The following HMGCLL1 variants were observed in gnomAD, a reference collection of about 807,000 sequenced individuals.
HMGCLL1 encodes 3-hydroxy-3-methylglutaryl-CoA lyase like 1.
In HMGCLL1, 36 loss-of-function variants were observed where a neutral mutation model predicts 39.1. That is an observed-to-expected ratio of 0.92 (90% CI 0.71 to 1.22). The LOEUF is 1.22. Among genes scored for constraint, HMGCLL1 ranks in the 50% most tolerant of loss-of-function variants. The pLI, the probability that HMGCLL1 is intolerant of heterozygous loss-of-function variation, is 0.00. For missense variants in HMGCLL1, 451 were observed against 416.5 expected (o/e 1.08, Z -0.72); for synonymous variants, 149 against 144.0 (o/e 1.03, Z -0.25).
intron 4 of HMGCLL1, among the ~76,000 whole-genome samples, chr6:55,515,194 A>C (rs1353371081): frequency 6.6e-6 from 1 of 151,680 alleles, no homozygotes; most frequent in Non-Finnish European, 1.5e-5. Flanking sequence ...CGGAGGTTGC[A>C]GTGAATCAAG....
chr6:55,635,689 G>A, the HMGCLL1 span, among the ~76,000 whole-genome samples: 1 of 152,242 alleles, frequency 6.6e-6, no homozygotes, highest in East Asian at 1.9e-4. Context: ...CCTTCAGCAG[G>A]ATTTCTCCTT....
rs545461091 is a variant in HMGCLL1 at position 55,480,602 on chromosome 6, G to A, written c.795+14817C>T. On this transcript the variant is annotated intron_variant, in intron 7 of 8. Transcript: ENST00000274901. ...GAGGTACCGTATCTATTTAGGTACC[G>A]TACACATAGAGTAGCAATCCCACTG... is the stretch of plus-strand genomic sequence containing the variant. 4.0e-5 allele frequency among the ~76,000 whole-genome samples: 6 copies of A among 151,704 alleles called. No homozygotes were observed. The South Asian group carries it at 8.3e-4, about 21-fold the overall frequency.
intron 1 of HMGCLL1, among the ~76,000 whole-genome samples, chr6:55,549,302 C>T (rs1770178201): frequency 6.6e-6 from 1 of 151,466 alleles, no homozygotes; most frequent in Admixed American, 6.6e-5. Flanking sequence ...TCACACTCTC[C>T]CACCTTGCTG....
the HMGCLL1 span, among the ~76,000 whole-genome samples, chr6:55,651,871 G>A: frequency 6.6e-6 from 1 of 152,168 alleles, no homozygotes; most frequent in African/African-American, 2.4e-5. Flanking sequence ...TTGTGAGAGA[G>A]CAGCACTGAA....
chr6:55,458,523 G>A (rs757869107), intron 7 of HMGCLL1, among the ~76,000 whole-genome samples: 7 of 152,186 alleles, frequency 4.6e-5, no homozygotes, highest in Non-Finnish European at 1.0e-4. Context: ...AAATAATAGT[G>A]TGTTAGGCAA....
At chr6:55,608,173 A>G in the HMGCLL1 span, among the ~76,000 whole-genome samples, 1 of 152,186 alleles carries the variant, frequency 6.6e-6, no homozygotes, top group Non-Finnish European at 1.5e-5. Context: ...TTAGCCAACT[A>G]GAACCTACTG....
the HMGCLL1 span, among the ~76,000 whole-genome samples, chr6:55,661,024 G>C: frequency 6.6e-6 from 1 of 151,840 alleles, no homozygotes; most frequent in African/African-American, 2.4e-5. Context: ...CTTTTGAAAA[G>C]GGTCTGTTTA....
At chr6:55,658,006 A>G in the HMGCLL1 span, among the ~76,000 whole-genome samples, 1 of 151,850 alleles carries the variant, frequency 6.6e-6, no homozygotes, top group East Asian at 1.9e-4. Flanking sequence ...ACAAACCCCC[A>G]TGACACAAGT....
the HMGCLL1 span, among the ~76,000 whole-genome samples, chr6:55,609,498 G>A: frequency 4.6e-5 from 7 of 152,042 alleles, no homozygotes; most frequent in East Asian, 3.9e-4. Context: ...CAACTCCAGC[G>A]AAGGGCTCAG....
chr6:55,613,994 A>C, the HMGCLL1 span, among the ~76,000 whole-genome samples: 2 of 152,168 alleles, frequency 1.3e-5, no homozygotes, highest in African/African-American at 2.4e-5. Flanking sequence ...TAAAACTAAT[A>C]TTATATTCTG....
At chr6:55,485,306 G>A (rs890860504) in intron 7 of HMGCLL1, among the ~76,000 whole-genome samples, 11 of 150,844 alleles carry the variant, frequency 7.3e-5, no homozygotes, top group South Asian at 2.1e-4. Flanking sequence ...TATATTAGGC[G>A]TGTGTGTGTG....
intron 1 of HMGCLL1, among the ~76,000 whole-genome samples, chr6:55,578,611 C>A (rs537055267): frequency 6.6e-6 from 1 of 152,294 alleles, no homozygotes; most frequent in South Asian, 2.1e-4. Flanking sequence ...AGGGCGGTAT[C>A]CTTGAAGGAA....
chr6:55,457,290 C>T (rs1050504248), intron 7 of HMGCLL1, among the ~76,000 whole-genome samples: 1 of 152,136 alleles, frequency 6.6e-6, no homozygotes, highest in African/African-American at 2.4e-5. Context: ...CCAATTTCAC[C>T]AGAAAGTTCT....
At chr6:55,458,667 G>A (rs1040657483) in intron 7 of HMGCLL1, among the ~76,000 whole-genome samples, 1 of 152,170 alleles carries the variant, frequency 6.6e-6, no homozygotes. Context: ...CAGACATGTA[G>A]CAGGGCCGTG....
chr6:55,633,020 T>A, the HMGCLL1 span, among the ~76,000 whole-genome samples: 1 of 152,094 alleles, frequency 6.6e-6, no homozygotes, highest in Non-Finnish European at 1.5e-5. Flanking sequence ...AGAATTTACA[T>A]GTACAGCAGA....
chr6:55,509,779 C>T (rs947842129), intron 5 of HMGCLL1, among the ~76,000 whole-genome samples: 3 of 151,812 alleles, frequency 2.0e-5, no homozygotes, highest in African/African-American at 7.3e-5. Context: ...GTATGTAATG[C>T]AATCCCTTTT....
chr6:55,621,555 C>T, the HMGCLL1 span, among the ~76,000 whole-genome samples: 3 of 151,828 alleles, frequency 2.0e-5, no homozygotes, highest in Admixed American at 1.3e-4. Flanking sequence ...TTGCGTGCTC[C>T]TTATGAGACT....
intron 3 of HMGCLL1, among the ~76,000 whole-genome samples, chr6:55,539,865 A>AGAAAGAAG (rs1769249348): frequency 3.2e-5 from 2 of 61,990 alleles, no homozygotes; most frequent in Non-Finnish European, 5.9e-5. Context: ...AGAGGAAGAA[A>AGAAAGAAG]GAAAGAAAGA....
chr6:55,597,368 G>A, the HMGCLL1 span, among the ~76,000 whole-genome samples: 1 of 152,044 alleles, frequency 6.6e-6, no homozygotes, highest in East Asian at 1.9e-4. Context: ...GGTTAGATGT[G>A]ATTTATAGAC....
Sources: gnomAD v4.1 joint callset for allele counts (sites outside exome capture counted in the v4.1 genomes callset) on GRCh38, gnomAD v4.1.1 for gene constraint, MANE v1.5 for transcripts, NCBI Gene and HGNC (gene_info 2026-07-23, HGNC 2026-07-21) for gene names.